SLX4IP: variants seen among roughly 807,000 people sequenced by gnomAD.
The protein encoded by SLX4IP is protein SLX4IP.
In SLX4IP, 34 loss-of-function variants were observed where a neutral mutation model predicts 32.9. That is an observed-to-expected ratio of 1.03 (90% CI 0.79 to 1.38). The LOEUF is 1.38. SLX4IP is among the 40% of genes most tolerant of loss of function. The probability of loss-of-function intolerance (pLI) is 0.00; values close to 1 mark genes in which losing one functional copy is unlikely to be tolerated. For synonymous variants in SLX4IP, 172 were observed against 171.7 expected (o/e 1.00, Z -0.01); for missense variants, 444 against 479.0 (o/e 0.93, Z 0.68).
At chr20:10,564,599 T>A (rs1459813262) in intron 4 of SLX4IP, among the ~76,000 whole-genome samples, 1 of 152,198 alleles carries the variant, frequency 6.6e-6, no homozygotes, top group African/African-American at 2.4e-5. Context: ...ATATTAATAT[T>A]TTTTATGCTT....
At chr20:10,622,045 A>G (rs2067116987) in intron 7 of SLX4IP, among the ~76,000 whole-genome samples, 1 of 152,190 alleles carries the variant, frequency 6.6e-6, no homozygotes, top group Admixed American at 6.5e-5. Context: ...ATACAGCTAT[A>G]TCGACACTCT....
intron 4 of SLX4IP, among the ~76,000 whole-genome samples, chr20:10,565,969 A>G (rs1191053822): frequency 6.6e-6 from 1 of 152,216 alleles, no homozygotes; most frequent in Non-Finnish European, 1.5e-5. Context: ...AACAAACCTT[A>G]AATAAAATAG....
intron 1 of SLX4IP, among the ~76,000 whole-genome samples, chr20:10,454,205 A>T (rs2065266296): frequency 1.3e-5 from 2 of 152,234 alleles, no homozygotes; most frequent in Non-Finnish European, 2.9e-5. Context: ...GGACATTAAA[A>T]GATGACTAGA....
intron 6 of SLX4IP, chr20:10,613,132 A>C: frequency 4.9e-6 from 2 of 411,016 alleles, no homozygotes; most frequent in East Asian, 5.5e-5. Context: ...ATCCTAGATA[A>C]GAGTGCTGTG....
intron 6 of SLX4IP, among the ~76,000 whole-genome samples, chr20:10,609,955 A>G (rs2066947590): frequency 6.6e-6 from 1 of 152,070 alleles, no homozygotes; most frequent in African/African-American, 2.4e-5. Flanking sequence ...GTGTATTTTT[A>G]TGTTTTTTTC....
intron 1 of SLX4IP, among the ~76,000 whole-genome samples, chr20:10,456,575 C>T (rs958169530): frequency 4.6e-4 from 70 of 152,048 alleles, no homozygotes; most frequent in African/African-American, 1.5e-3. Flanking sequence ...CTCCTGACCT[C>T]GTGATCTACC....
intron 4 of SLX4IP, among the ~76,000 whole-genome samples, chr20:10,591,975 T>C (rs2066714522): frequency 6.6e-6 from 1 of 152,192 alleles, no homozygotes; most frequent in African/African-American, 2.4e-5. Context: ...GTCAAAAGGG[T>C]GACAGGCAGA....
chr20:10,484,540 G>A (rs138205440), intron 2 of SLX4IP, among the ~76,000 whole-genome samples: 5 of 152,192 alleles, frequency 3.3e-5, no homozygotes, highest in African/African-American at 1.2e-4. Context: ...TTGTCACTGT[G>A]TGAGGCACAC....
intron 2 of SLX4IP, among the ~76,000 whole-genome samples, chr20:10,482,272 TG>T (rs2065529607): frequency 1.3e-5 from 2 of 152,208 alleles, no homozygotes; most frequent in South Asian, 4.1e-4. Flanking sequence ...TGTTTCCTTT[TG>T]GGTTGGACAT....
At chr20:10,437,803 A>G (rs1409022647) in intron 1 of SLX4IP, among the ~76,000 whole-genome samples, 1 of 152,264 alleles carries the variant, frequency 6.6e-6, no homozygotes, top group African/African-American at 2.4e-5. Context: ...TAGTATTAAC[A>G]TACCTCATAT....
rs549677622 is a variant in SLX4IP, at chr20:10,453,245, A to G, written c.-29-4931A>G. Among the ~76,000 whole-genome samples the G allele has an allele frequency of 1.1e-4, 16 of 152,084 alleles. No individual in the cohort carries two copies. In the South Asian group the frequency reaches 2.9e-3, roughly 28 times the overall value. On this transcript the variant is annotated intron_variant, in intron 1 of 7. Coordinates refer to ENST00000334534, the MANE Select transcript of SLX4IP (RefSeq NM_001009608.3). ...TTGCCTTGTTATTCTTCTGCTGTTT[A>G]GCTTTCCATGTACCTGTCCTAATTC...
At chr20:10,565,774 T>C (rs1055137766) in intron 4 of SLX4IP, among the ~76,000 whole-genome samples, 12 of 152,170 alleles carry the variant, frequency 7.9e-5, no homozygotes, top group Admixed American at 6.5e-5. Flanking sequence ...AGCTATTGCC[T>C]AACAGCCTGA....
chr20:10,599,539 G>A (rs751262099), intron 5 of SLX4IP, among the ~76,000 whole-genome samples: 33 of 151,062 alleles, frequency 2.2e-4, no homozygotes, highest in Admixed American at 1.4e-3. Flanking sequence ...GACCACAGGT[G>A]TGTGCCACCA....
intron 4 of SLX4IP, among the ~76,000 whole-genome samples, chr20:10,575,027 T>G (rs2066510087): frequency 2.0e-5 from 3 of 152,084 alleles, no homozygotes; most frequent in Admixed American, 6.5e-5. Context: ...TGCCCTCTCA[T>G]TAGCTCCATG....
chr20:10,614,039 C>G (rs1311190316), intron 6 of SLX4IP: 3 of 1,446,762 alleles, frequency 2.1e-6, no homozygotes, highest in African/African-American at 2.8e-5. Flanking sequence ...TTTCCAGGAT[C>G]TGGAAGCAGC....
intron 2 of SLX4IP, among the ~76,000 whole-genome samples, chr20:10,514,254 A>C (rs1221198476): frequency 1.3e-5 from 2 of 152,146 alleles, no homozygotes; most frequent in African/African-American, 4.8e-5. Flanking sequence ...TTTGAGGTGT[A>C]TTCTATTTGG....
intron 2 of SLX4IP, among the ~76,000 whole-genome samples, chr20:10,463,951 G>A (rs2065359429): frequency 6.6e-6 from 1 of 152,114 alleles, no homozygotes; most frequent in Non-Finnish European, 1.5e-5. Flanking sequence ...TCCAAGTTTT[G>A]GAAGGCTGGG....
chr20:10,443,352 T>C (rs1014266510), intron 1 of SLX4IP, among the ~76,000 whole-genome samples: 78 of 152,184 alleles, frequency 5.1e-4, no homozygotes, highest in Admixed American at 4.6e-3. Flanking sequence ...ACCCTGTCCC[T>C]GGGAATCTTA....
At chr20:10,474,294 A>G (rs76438640) in intron 2 of SLX4IP, among the ~76,000 whole-genome samples, 27 of 152,368 alleles carry the variant, frequency 1.8e-4, no homozygotes, top group Admixed American at 1.0e-3. Flanking sequence ...CAAGTTGTCA[A>G]GTAAGAAGGA....
Sources: allele counts gnomAD v4.1 joint callset (sites outside exome capture counted in the v4.1 genomes callset), GRCh38; gene constraint gnomAD v4.1.1; transcripts MANE v1.5; gene names NCBI Gene and HGNC (gene_info 2026-07-23, HGNC 2026-07-21).